GRIP1: variants seen among roughly 807,000 people sequenced by gnomAD.
The protein encoded by GRIP1 is glutamate receptor interacting protein 1.
GRIP1 carries 45 observed loss-of-function variants against 129.9 expected under a neutral mutation model. The ratio of observed to expected loss-of-function variants is 0.35; its 90% confidence interval spans 0.27 to 0.44. The LOEUF (loss-of-function observed/expected upper bound fraction) is 0.44. Ranked by LOEUF, GRIP1 falls within the 20% of genes least tolerant of loss-of-function variation. The probability of loss-of-function intolerance (pLI) is 1.00; values close to 1 mark genes in which losing one functional copy is unlikely to be tolerated. For synonymous variants in GRIP1, 530 were observed against 520.8 expected, an observed-to-expected ratio of 1.02 and a Z score of -0.24; for missense variants, 1,196 against 1,396.8, an observed-to-expected ratio of 0.86 and a Z score of 2.29.
intron 8 of GRIP1, among the ~76,000 whole-genome samples, 190 bp downstream of exon 8, chr12:66,465,085 C>T (rs2059248939): frequency 6.6e-6 from 1 of 151,872 alleles, no homozygotes; most frequent in South Asian, 2.1e-4. Context: ...GCTGGGATTA[C>T]AGGCACCTGC....
intron 1 of GRIP1, among the ~76,000 whole-genome samples, chr12:66,830,573 A>G (rs971053869): frequency 4.6e-5 from 7 of 152,292 alleles, no homozygotes; most frequent in Non-Finnish European, 7.4e-5. Flanking sequence ...TTTTGGCATG[A>G]TGAAACCCCT....
At chr12:66,544,773 C>T (rs1160944837) in intron 2 of GRIP1, among the ~76,000 whole-genome samples, 1 of 152,118 alleles carries the variant, frequency 6.6e-6, no homozygotes, top group African/African-American at 2.4e-5. Flanking sequence ...AGAAAGGAAC[C>T]TGCTTTTGGA....
chr12:66,495,606 A>G (rs577310328), intron 7 of GRIP1, among the ~76,000 whole-genome samples: 1 of 152,150 alleles, frequency 6.6e-6, no homozygotes, highest in East Asian at 1.9e-4. Flanking sequence ...GCCAAATAGT[A>G]CCTTCAGCGT....
intron 1 of GRIP1, among the ~76,000 whole-genome samples, chr12:66,821,379 T>C (rs1280992438): frequency 6.6e-6 from 1 of 152,180 alleles, no homozygotes; most frequent in Non-Finnish European, 1.5e-5. Flanking sequence ...TGACTAAAGA[T>C]CTTCATAACT....
At chr12:66,471,638 A>C (rs1034161013) in intron 7 of GRIP1, among the ~76,000 whole-genome samples, 1 of 152,226 alleles carries the variant, frequency 6.6e-6, no homozygotes, top group African/African-American at 2.4e-5. Flanking sequence ...GAAAGGAGAA[A>C]GTCTACTAGT....
chr12:66,502,856 TG>T (rs750991381), intron 7 of GRIP1, among the ~76,000 whole-genome samples: 4 of 152,024 alleles, frequency 2.6e-5, no homozygotes, highest in Non-Finnish European at 4.4e-5. Flanking sequence ...AATGCAAGAA[TG>T]GCCTAACATA....
chr12:66,828,303 A>G (rs2039454421), intron 1 of GRIP1, among the ~76,000 whole-genome samples: 1 of 152,228 alleles, frequency 6.6e-6, no homozygotes, highest in Non-Finnish European at 1.5e-5. Flanking sequence ...AACTAAAAAA[A>G]TTAAAACTAA....
chr12:66,375,052 A>G (rs1280067955), intron 22 of GRIP1, among the ~76,000 whole-genome samples: 1 of 152,102 alleles, frequency 6.6e-6, no homozygotes, highest in East Asian at 1.9e-4. Context: ...ATTTAGTTAA[A>G]CCTTCTTCTT....
chr12:66,536,262 G>A (rs1555202794), intron 4 of GRIP1, among the ~76,000 whole-genome samples: 1 of 152,118 alleles, frequency 6.6e-6, no homozygotes, highest in Non-Finnish European at 1.5e-5. Context: ...CAACACAGCA[G>A]CCAGAGAGCC....
At chr12:66,680,793 A>C (rs993839964), upstream of GRIP1, among the ~76,000 whole-genome samples, 1 of 152,128 alleles carries the variant, frequency 6.6e-6, no homozygotes, top group Non-Finnish European at 1.5e-5. Flanking sequence ...GTCAATTACT[A>C]TTAGTAGAAT....
In GRIP1 at chr12:66,379,365, A is replaced by C; in HGVS notation, c.2536T>G (p.Leu846Val). ...DWRSPKQRGSLSPVTKPRSQT... is the reference protein window; with the variant it reads ...DWRSPKQRGSVSPVTKPRSQT... ...CTTCGAGGCTTAGTGACTGGGGACAAGCTGCCTCTCTGTTTTGGACTCCTC... is the reference window on the plus strand; with the variant it reads ...CTTCGAGGCTTAGTGACTGGGGACACGCTGCCTCTCTGTTTTGGACTCCTC... The change falls in exon 20 of 25, where the codon TTG becomes GTG. Residue 846 changes from leucine (L) to valine (V), a missense_variant. Around this residue, in one of 5 missense-constraint regions of GRIP1, gnomAD observed 427 missense variants for 463.3 expected, o/e 0.92. Transcript: ENST00000359742. 1.2e-6 allele frequency: 2 copies of C among 1,614,056 alleles called. No homozygotes were observed. Among genetic ancestry groups the C allele is most frequent in the Non-Finnish European group, 1.7e-6 (2 of 1,179,892 alleles).
intron 2 of GRIP1, among the ~76,000 whole-genome samples, chr12:66,545,443 T>C (rs2061919130): frequency 6.6e-6 from 1 of 152,200 alleles, no homozygotes. Flanking sequence ...CTATATCCTT[T>C]ATATAGACAA....
intron 1 of GRIP1, among the ~76,000 whole-genome samples, chr12:66,872,247 G>A (rs1397436030): frequency 6.6e-6 from 1 of 151,986 alleles, no homozygotes; most frequent in Non-Finnish European, 1.5e-5. Flanking sequence ...TAACTATTTT[G>A]CTGGCATTGG....
rs1463946516 is a variant in GRIP1, at chr12:66,529,871, T to C, written c.462A>G (p.Thr154=). 3 of 1,607,574 alleles carry C rather than the reference T, an allele frequency of 1.9e-6. No individual in the cohort carries two copies. Among genetic ancestry groups the C allele is most frequent in the East Asian group, 2.2e-5 (1 of 44,850 alleles). Residue 154 remains threonine (T), a synonymous_variant, in exon 5 of 25, where the codon ACA becomes ACG. Transcript: ENST00000359742. ...CAAAGGTATTGCCTTCTTTATGTAA[T>C]GTGACCTCCACTGTTCGGAAAATAA... ...SSVIFRTVEV[T]LHKEGNTFGF... is the part of the protein sequence containing the mutation.
chr12:66,839,365 C>CA (rs1379469787), intron 1 of GRIP1, among the ~76,000 whole-genome samples: 1 of 151,996 alleles, frequency 6.6e-6, no homozygotes, highest in Non-Finnish European at 1.5e-5. Context: ...CTTATGAGGT[C>CA]AAACTGTAAT....
chr12:66,524,016 C>T (rs1390227800), intron 5 of GRIP1, among the ~76,000 whole-genome samples: 2 of 152,124 alleles, frequency 1.3e-5, no homozygotes, highest in African/African-American at 4.8e-5. Flanking sequence ...CAGGAGCACC[C>T]AGATTCATAA....
chr12:66,942,243 T>C (rs1466936784), intron 1 of GRIP1, among the ~76,000 whole-genome samples: 1 of 152,162 alleles, frequency 6.6e-6, no homozygotes, highest in African/African-American at 2.4e-5. Context: ...CCAAATTAAG[T>C]GGTTTTTCTT....
At chr12:66,875,678 CT>C (rs1202600494) in intron 1 of GRIP1, among the ~76,000 whole-genome samples, 1 of 152,036 alleles carries the variant, frequency 6.6e-6, no homozygotes, top group Non-Finnish European at 1.5e-5. Flanking sequence ...CCAATTATCC[CT>C]TAACTTTGCA....
intron 1 of GRIP1, among the ~76,000 whole-genome samples, chr12:67,030,681 C>T (rs2043009350): frequency 6.6e-6 from 1 of 152,174 alleles, no homozygotes; most frequent in Non-Finnish European, 1.5e-5. Context: ...AATTACCTTG[C>T]TTCTAACTGT....
Sources: allele counts gnomAD v4.1 joint callset (sites outside exome capture counted in the v4.1 genomes callset), GRCh38; gene constraint gnomAD v4.1.1; regional missense constraint gnomAD v4.1.1; transcripts MANE v1.5; gene names NCBI Gene and HGNC (gene_info 2026-07-23, HGNC 2026-07-21).